RNF123: variants seen among roughly 807,000 people sequenced by gnomAD.
The protein encoded by RNF123 is E3 ubiquitin-protein ligase RNF123.
RNF123 carries 86 observed loss-of-function variants against 168.5 expected under a neutral mutation model. The observed-to-expected ratio is 0.51, with a 90% confidence interval of 0.43 to 0.61. The LOEUF is 0.61. Among genes scored for constraint, RNF123 ranks in the 20% least tolerant of loss-of-function variants. The probability of loss-of-function intolerance (pLI) is 0.00; values close to 1 mark genes in which losing one functional copy is unlikely to be tolerated. For missense variants in RNF123, 1,419 were observed against 1,729.7 expected (o/e 0.82, Z 3.19); for synonymous variants, 666 against 689.1 (o/e 0.97, Z 0.52).
chr3:49,716,496 G>T lies in RNF123; in HGVS notation c.3500+19G>T. 1 of 1,608,026 alleles carries T rather than the reference G, an allele frequency of 6.2e-7. No homozygotes were observed. Among genetic ancestry groups the T allele is most frequent in the Non-Finnish European group, 8.5e-7 (1 of 1,175,556 alleles). On this transcript the variant is annotated intron_variant, in intron 35 of 38. Coordinates refer to ENST00000327697, the MANE Select transcript of RNF123 (RefSeq NM_022064.5). ...CCTCAGAGTGAGTGTTGGGGACCGTGGGCCCCTGTGGGAGTTGGGTGTGTC... is the reference window on the plus strand; with the variant it reads ...CCTCAGAGTGAGTGTTGGGGACCGTTGGCCCCTGTGGGAGTTGGGTGTGTC...
At chr3:49,706,922 C>T (rs1174975440) in intron 26 of RNF123, 24 bp downstream of exon 26, 1 of 1,598,910 alleles carries the variant, frequency 6.3e-7, no homozygotes, top group Admixed American at 1.7e-5. Flanking sequence ...GCAGCTGCCC[C>T]TTCCCGACCT....
At chr3:49,697,275 G>T in intron 4 of RNF123, 53 bp downstream of exon 4, 1 of 1,597,906 alleles carries the variant, frequency 6.3e-7, no homozygotes, top group Non-Finnish European at 8.6e-7. Flanking sequence ...GGGACGTAGC[G>T]GGCCTGGAGA....
intron 24 of RNF123, 137 bp downstream of exon 24, chr3:49,705,816 GT>G: frequency 6.8e-7 from 1 of 1,478,286 alleles, no homozygotes. Flanking sequence ...AGCGAGGCTG[GT>G]TTCTGCTCCT....
intron 35 of RNF123, chr3:49,718,750 A>G (rs754245768): frequency 1.9e-6 from 3 of 1,613,206 alleles, no homozygotes; most frequent in Admixed American, 1.7e-5. Context: ...CACGGCGCTC[A>G]GGCCCCGCTG....
Position 49,705,692 on chromosome 3 carries a change from T to G in RNF123, c.2304+13T>G, listed in dbSNP as rs201494840. The G allele has an allele frequency of 6.8e-6, 11 of 1,613,996 alleles. No individual in the cohort carries two copies. The highest frequency in any genetic ancestry group is 9.3e-6 in the Non-Finnish European group (11 of 1,180,010). On this transcript the variant is annotated intron_variant, in intron 24 of 38. Coordinates refer to ENST00000327697, the MANE Select transcript of RNF123 (RefSeq NM_022064.5). ...GCAGCTGGGCAAGGTCGTGCACTCT[T>G]GGACCCCGCATTGGGTGGCGGGTGT...
chr3:49,716,565 C>T (rs1014318277), intron 35 of RNF123, 88 bp downstream of exon 35: 2 of 1,156,552 alleles, frequency 1.7e-6, no homozygotes, highest in African/African-American at 3.1e-5. Context: ...CTTCAGTTTC[C>T]TCATCTGGAA....
chr3:49,705,822 G>A, intron 24 of RNF123, 143 bp downstream of exon 24: 13 of 1,453,920 alleles, frequency 8.9e-6, no homozygotes, highest in Non-Finnish European at 1.2e-5. Flanking sequence ...GCTGGTTTCT[G>A]CTCCTGCTGC....
intron 35 of RNF123, chr3:49,718,874 T>C (rs752196987): frequency 1.8e-5 from 29 of 1,613,350 alleles, no homozygotes; most frequent in Non-Finnish European, 1.7e-6. Context: ...GGTACGGAGA[T>C]GTGTCCCAGC....
At chr3:49,718,422 T>C in intron 35 of RNF123, 1 of 1,612,538 alleles carries the variant, frequency 6.2e-7, no homozygotes, top group Non-Finnish European at 8.5e-7. Context: ...ACACGAAGAG[T>C]CCCGCATGCT....
Position 49,706,061 on chromosome 3 carries a change from A to AGAG in RNF123, c.2386_2388dup (p.Arg797dup), listed in dbSNP as rs752311997. 2 of 1,614,062 alleles carry AGAG rather than the reference A, an allele frequency of 1.2e-6. No individual in the cohort carries two copies. Among genetic ancestry groups the AGAG allele is most frequent in the Non-Finnish European group, 1.7e-6 (2 of 1,179,922 alleles). ...GAGGACAAGCTCCGCCGGTGCCCCA[A>AGAG]GAGGGTAAGGCCCACATAGTCTTGG... is the stretch of plus-strand genomic sequence containing the variant. On this transcript the variant is annotated inframe_insertion, in exon 25 of 39. Coordinates refer to ENST00000327697, the MANE Select transcript of RNF123 (RefSeq NM_022064.5).
At chr3:49,701,432 C>A in intron 15 of RNF123, 59 bp from the exon 16 acceptor site, 1 of 1,345,802 alleles carries the variant, frequency 7.4e-7, no homozygotes, top group Non-Finnish European at 1.1e-6. Flanking sequence ...TGGGGAAGGA[C>A]TCTTGAGGGT....
At chr3:49,702,436 A>C (rs767768709) in intron 19 of RNF123, 31 bp downstream of exon 19, 6 of 1,611,994 alleles carry the variant, frequency 3.7e-6, no homozygotes, top group Non-Finnish European at 5.1e-6. Context: ...CCCACTGTGG[A>C]TCCCCGGCTG....
Position 49,706,836 on chromosome 3 carries a change from T to A in RNF123, c.2434T>A (p.Ser812Thr), listed in dbSNP as rs1409938512. 1.9e-6 allele frequency: 3 copies of A among 1,614,164 alleles called. No individual in the cohort carries two copies. Among genetic ancestry groups the A allele is most frequent in the African/African-American group, 2.7e-5 (2 of 75,048 alleles). Reference protein sequence around the residue: ...AELTKSQKVFSEKLDHLSRRL... With the variant: ...AELTKSQKVFTEKLDHLSRRL... ...GTTGACCAAGAGCCAGAAGGTTTTCTCAGAAAAGCTGGACCACCTGAGCCG... is the reference window on the plus strand; with the variant it reads ...GTTGACCAAGAGCCAGAAGGTTTTCACAGAAAAGCTGGACCACCTGAGCCG... The change falls in exon 26 of 39, where the codon TCA (serine) becomes ACA (threonine). Residue 812 changes from serine (S) to threonine (T), a missense_variant. This residue lies in a region of RNF123 where 538 missense variants were observed against 708.8 expected (regional missense o/e 0.76). Coordinates refer to ENST00000327697, the MANE Select transcript of RNF123 (RefSeq NM_022064.5).
Position 49,691,181 on chromosome 3 carries a change from G to A in RNF123, c.16G>A (p.Ala6Thr), listed in dbSNP as rs544012421. Residue 6 changes from alanine to threonine, a missense_variant, in exon 2 of 39, where the codon GCC becomes ACC. Coordinates refer to ENST00000327697, the MANE Select transcript of RNF123 (RefSeq NM_022064.5). ...GAGATGAAGGATGGCATCCAAGGGG[G>A]CCGGCATGTCTTTCTCCCGCAAGAG... MASKGAGMSFSRKSYR... is the reference protein window; with the variant it reads MASKGTGMSFSRKSYR... 30 of 1,613,900 alleles carry A rather than the reference G, an allele frequency of 1.9e-5. No homozygotes were observed. In the Admixed American group the frequency reaches 3.7e-4, roughly 20 times the overall value.
Position 49,702,321 on chromosome 3 carries a change from C to G in RNF123, c.1558-13C>G, listed in dbSNP as rs905759686. On this transcript the variant is annotated splice_polypyrimidine_tract_variant and intron_variant, in intron 18 of 38. Coordinates refer to ENST00000327697, the MANE Select transcript of RNF123 (RefSeq NM_022064.5). ...CTCAGCTCAGCACAGCCTCACTTTT[C>G]CCTCTCTCAAAGGGTGAAGCTTCTA... 3 of 1,613,912 alleles carry G rather than the reference C, an allele frequency of 1.9e-6. No individual in the cohort carries two copies. Among genetic ancestry groups the G allele is most frequent in the Non-Finnish European group, 2.5e-6 (3 of 1,179,872 alleles).
At chr3:49,719,061 C>T in intron 35 of RNF123, 1 of 1,613,834 alleles carries the variant, frequency 6.2e-7, no homozygotes, top group Non-Finnish European at 8.5e-7. Flanking sequence ...GCAGCTTCTC[C>T]AGCGCCCCCA....
chr3:49,714,321 T>A lies in RNF123; in HGVS notation c.3010+147T>A, dbSNP rs139572865. ...GACTCCCTACGTGTCCCCTGGGGTT[T>A]CCACTTTCCCTGCTTCCTTCCAGCC... On this transcript the variant is annotated intron_variant, in intron 31 of 38. Coordinates refer to ENST00000327697, the MANE Select transcript of RNF123 (RefSeq NM_022064.5). 1,931 of 705,804 alleles carry A rather than the reference T, an allele frequency of 2.7e-3. 27 individuals carry two copies. Among genetic ancestry groups the A allele is most frequent in the South Asian group, 0.018 (1,030 of 58,168 alleles). 43.7% of individuals were successfully genotyped at this position (705,804 alleles called of 1,614,324 possible). A position where few individuals can be genotyped will look rare whatever the true frequency, so the allele number is the denominator to read the frequency against.
chr3:49,705,293 G>A, intron 23 of RNF123, 111 bp downstream of exon 23: 1 of 1,362,556 alleles, frequency 7.3e-7, no homozygotes, highest in Admixed American at 2.2e-5. Context: ...CCTGTGGCCT[G>A]GCAGCATCCC....
chr3:49,718,088 C>T, intron 35 of RNF123: 1 of 1,613,614 alleles, frequency 6.2e-7, no homozygotes, highest in East Asian at 2.2e-5. Flanking sequence ...CCCCTCCGGC[C>T]TGGCTCCAGA....
Sources: gnomAD v4.1 joint callset for allele counts on GRCh38, gnomAD v4.1.1 for gene constraint, gnomAD v4.1.1 regional missense constraint, MANE v1.5 for transcripts, NCBI Gene and HGNC (gene_info 2026-07-23, HGNC 2026-07-21) for gene names.